KIF13A: variants seen among roughly 807,000 people sequenced by gnomAD.
KIF13A encodes the protein kinesin-like protein KIF13A.
Under a neutral mutation model 212.2 loss-of-function variants are expected in KIF13A, and 79 were observed. That is an observed-to-expected ratio of 0.37 (90% CI 0.31 to 0.45). KIF13A has a LOEUF of 0.45. KIF13A is among the 20% of genes least tolerant of loss of function. KIF13A has a pLI of 1.00. For missense variants in KIF13A, 1,901 were observed against 2,209.0 expected, an observed-to-expected ratio of 0.86 and a Z score of 2.79; for synonymous variants, 789 against 808.6, an observed-to-expected ratio of 0.98 and a Z score of 0.41.
At chr6:17,978,185 T>C (rs776073450) in intron 2 of KIF13A, among the ~76,000 whole-genome samples, 2 of 152,210 alleles carry the variant, frequency 1.3e-5, no homozygotes, top group Non-Finnish European at 2.9e-5. Context: ...TTTTTAATCT[T>C]AGGTCTACAA....
intron 4 of KIF13A, among the ~76,000 whole-genome samples, chr6:17,862,771 AT>A (rs1487407121): frequency 6.6e-6 from 1 of 152,200 alleles, no homozygotes; most frequent in Non-Finnish European, 1.5e-5. Flanking sequence ...ACATGGTGAA[AT>A]CCCATCTCTA....
intron 3 of KIF13A, among the ~76,000 whole-genome samples, chr6:17,877,406 A>T (rs1770667278): frequency 6.6e-6 from 1 of 152,142 alleles, no homozygotes; most frequent in African/African-American, 2.4e-5. Context: ...GGGCTCTTCC[A>T]ATGACTCTAG....
intron 3 of KIF13A, among the ~76,000 whole-genome samples, chr6:17,894,560 T>C (rs1327158375): frequency 2.0e-5 from 3 of 152,116 alleles, no homozygotes; most frequent in African/African-American, 7.2e-5. Context: ...TAGTACAGAG[T>C]TCCTATATAG....
chr6:17,913,953 C>A (rs1184070603), intron 2 of KIF13A, among the ~76,000 whole-genome samples: 1 of 152,162 alleles, frequency 6.6e-6, no homozygotes, highest in African/African-American at 2.4e-5. Context: ...GTTGCTGGAT[C>A]CCAGAGGAGA....
At chr6:17,981,890 T>C (rs1781120735) in intron 2 of KIF13A, among the ~76,000 whole-genome samples, 1 of 152,156 alleles carries the variant, frequency 6.6e-6, no homozygotes, top group Admixed American at 6.5e-5. Flanking sequence ...TTCACTAATA[T>C]TTAAATTTCT....
In KIF13A at chr6:17,769,602, AC is replaced by A. The variant is rs1297077346; in HGVS notation, c.4581+1511del. Among the ~76,000 whole-genome samples, 1 of 152,148 alleles carries A rather than the reference AC, an allele frequency of 6.6e-6. No individual in the cohort carries two copies. Among genetic ancestry groups the A allele is most frequent in the African/African-American group, 2.4e-5 (1 of 41,436 alleles). ...TGAACTGTGAAACTATCTGCTGAAC[AC>A]CCCAGAAGGGTCATCCAGCAGTGTC... On this transcript the variant is annotated intron_variant, in intron 38 of 38. Coordinates refer to ENST00000259711, the MANE Select transcript of KIF13A (RefSeq NM_022113.6). The surrounding 1 kb of genome is among the most constrained non-coding windows in gnomAD (Gnocchi z 5.8).
At chr6:17,775,492 A>G (rs1050090879) in intron 34 of KIF13A, among the ~76,000 whole-genome samples, 12 of 152,090 alleles carry the variant, frequency 7.9e-5, no homozygotes, top group African/African-American at 2.9e-4. Flanking sequence ...CTGCTTTTCC[A>G]TACAGGTTTT....
At chr6:17,765,505 C>T in intron 38 of KIF13A, among the ~76,000 whole-genome samples, 1 of 152,296 alleles carries the variant, frequency 6.6e-6, no homozygotes, top group East Asian at 1.9e-4. Context: ...TTTCAACACT[C>T]ATTCTTATAT....
Position 17,898,617 on chromosome 6 carries a change from T to C in KIF13A, c.147-437A>G, listed in dbSNP as rs982167545. On this transcript the variant is annotated intron_variant, in intron 2 of 38. Transcript: ENST00000259711. This position sits in a 1 kb window ranked among gnomAD's most constrained non-coding sequence, Gnocchi z 5.2. Reference sequence around the variant, plus strand: ...TGCATATTTTCCTTTGATAAATACATATACTCTAACATAATATATGTGGGA... The same window carrying C: ...TGCATATTTTCCTTTGATAAATACACATACTCTAACATAATATATGTGGGA... 1.3e-5 allele frequency among the ~76,000 whole-genome samples: 2 copies of C among 152,200 alleles called. No individual in the cohort carries two copies. The highest frequency in any genetic ancestry group is 2.9e-5 in the Non-Finnish European group (2 of 68,048).
rs1211395905 is a variant in KIF13A at position 17,787,528 on chromosome 6, GTGGTCTCAGCTAC to G, written c.3361+235_3361+247del. ...GAGCCAGGAGTGGTAGCTTGTGCCT[GTGGTCTCAGCTAC>G]TCAGGAGGCTGAGGCAGGAGGATCT... is the stretch of plus-strand genomic sequence containing the variant. On this transcript the variant is annotated intron_variant, in intron 27 of 38. Transcript: ENST00000259711. This position sits in a 1 kb window ranked among gnomAD's most constrained non-coding sequence, Gnocchi z 4.6. Among the ~76,000 whole-genome samples the G allele has an allele frequency of 6.6e-6, 1 of 152,112 alleles. No homozygotes were observed. Among genetic ancestry groups the G allele is most frequent in the Non-Finnish European group, 1.5e-5 (1 of 68,028 alleles).
At chr6:17,958,451 G>A (rs1778537677) in intron 2 of KIF13A, among the ~76,000 whole-genome samples, 1 of 152,164 alleles carries the variant, frequency 6.6e-6, no homozygotes, top group Non-Finnish European at 1.5e-5. Flanking sequence ...CTGAGTAACT[G>A]AAATTGCTAA....
intron 4 of KIF13A, among the ~76,000 whole-genome samples, chr6:17,859,620 TTATATA>T (rs1355192834): frequency 3.8e-5 from 5 of 131,554 alleles, no homozygotes; most frequent in African/African-American, 1.2e-4. Flanking sequence ...GCAATGTATT[TTATATA>T]TATATATATA....
Position 17,854,456 on chromosome 6 carries a change from T to C in KIF13A, c.494+981A>G, listed in dbSNP as rs895243969. Among the ~76,000 whole-genome samples, 10 of 152,064 alleles carry C rather than the reference T, an allele frequency of 6.6e-5. No homozygotes were observed. The East Asian group carries it at 1.9e-3, about 29-fold the overall frequency. On this transcript the variant is annotated intron_variant, in intron 6 of 38. Transcript: ENST00000259711. The stretch of plus-strand genomic sequence containing the variant: ...CCTGGCCTTAGTGATTATTTTTGAA[T>C]GGTGAGATTATAGGTCATTTTTATT...
rs1230619489 is a variant in KIF13A at position 17,837,481 on chromosome 6, C to A, written c.933G>T (p.Trp311Cys). ...TAGAGCAATGGATTACCTTAAGCAG[C>A]CAAGTGAGGACTGAATCTCGATAAG... ...FVPYRDSVLT[W>C]LLKDNLGGNS... Residue 311 changes from tryptophan to cysteine, a missense_variant, in exon 10 of 39, where the codon TGG becomes TGT. By Grantham distance (215) the Trp-to-Cys change is radical (BLOSUM62 -2). Around this residue, in one of 5 missense-constraint regions of KIF13A, gnomAD observed 506 missense variants for 637.4 expected, o/e 0.79. Coordinates refer to ENST00000259711, the MANE Select transcript of KIF13A (RefSeq NM_022113.6). This position sits in a 1 kb window ranked among gnomAD's most constrained non-coding sequence, Gnocchi z 5.4. 2 of 1,602,916 alleles carry A rather than the reference C, an allele frequency of 1.2e-6. No homozygotes were observed. Among genetic ancestry groups the A allele is most frequent in the South Asian group, 1.1e-5 (1 of 88,878 alleles).
intron 2 of KIF13A, among the ~76,000 whole-genome samples, chr6:17,983,392 C>T (rs1781262068): frequency 6.6e-6 from 1 of 151,742 alleles, no homozygotes; most frequent in African/African-American, 2.4e-5. Context: ...TGTATGTCAC[C>T]CTTTTTAGCA....
In KIF13A at chr6:17,796,696, T is replaced by C; in HGVS notation, c.2915A>G (p.His972Arg). ...GSSIWEVDSL[H>R]AKTRTLHDRW... is the part of the protein sequence containing the mutation. The stretch of plus-strand genomic sequence containing the variant: ...GTCATGCAGTGTTCTTGTCTTAGCA[T>C]GAAGAGAATCGACCTCCCAGATGGA... Residue 972 changes from histidine (H) to arginine (R), a missense_variant, in exon 23 of 39, where the codon CAT (histidine) becomes CGT (arginine). Physicochemically the swap from His to Arg is conservative, Grantham distance 29 (BLOSUM62 0). Around this residue, in one of 5 missense-constraint regions of KIF13A, gnomAD observed 534 missense variants for 536.9 expected, o/e 0.99. Coordinates refer to ENST00000259711, the MANE Select transcript of KIF13A (RefSeq NM_022113.6). The C allele has an allele frequency of 6.3e-7, 1 of 1,579,858 alleles. No individual in the cohort carries two copies. The highest frequency in any genetic ancestry group is 8.6e-7 in the Non-Finnish European group (1 of 1,161,292).
intron 25 of KIF13A, among the ~76,000 whole-genome samples, chr6:17,793,691 T>C (rs1283261509): frequency 6.6e-6 from 1 of 151,690 alleles, no homozygotes; most frequent in African/African-American, 2.4e-5. Flanking sequence ...GGCAGGAGGA[T>C]CACTTGAGTC....
intron 9 of KIF13A, among the ~76,000 whole-genome samples, chr6:17,841,720 A>C (rs1766525790): frequency 6.6e-6 from 1 of 152,166 alleles, no homozygotes; most frequent in South Asian, 2.1e-4. Context: ...TAAATCTATT[A>C]CCATCCCCTT....
chr6:17,942,530 C>G (rs768754377), intron 2 of KIF13A, among the ~76,000 whole-genome samples: 1 of 152,220 alleles, frequency 6.6e-6, no homozygotes, highest in Non-Finnish European at 1.5e-5. Flanking sequence ...AAATGAGATA[C>G]ATTTCATAAC....
Sources: allele counts gnomAD v4.1 joint callset (sites outside exome capture counted in the v4.1 genomes callset), GRCh38; gene constraint gnomAD v4.1.1; regional missense constraint gnomAD v4.1.1; non-coding constraint Gnocchi (gnomAD v3.1); transcripts MANE v1.5; gene names NCBI Gene and HGNC (gene_info 2026-07-23, HGNC 2026-07-21).